The following BCCIP variants were observed in gnomAD, a reference collection of about 807,000 sequenced individuals.
BCCIP encodes BRCA2 and CDKN1A-interacting protein.
A neutral mutation model predicts 32.8 loss-of-function variants in BCCIP; 23 were observed. That is an observed-to-expected ratio of 0.70 (90% CI 0.51 to 0.99). BCCIP has a LOEUF of 0.99. Among genes scored for constraint, BCCIP ranks in the 50% least tolerant of loss-of-function variants. BCCIP has a pLI of 0.00. For missense variants in BCCIP, 378 were observed against 379.8 expected, an observed-to-expected ratio of 1.00 and a Z score of 0.04; for synonymous variants, 144 against 137.6, an observed-to-expected ratio of 1.05 and a Z score of -0.33.
At chr10:125,836,673 T>C (rs974635581), downstream of BCCIP, 57 of 1,612,506 alleles carry the variant, frequency 3.5e-5, no homozygotes, top group Middle Eastern at 8.3e-4. Flanking sequence ...CTGCACCTTG[T>C]GTTTGCTGGG....
Position 125,823,630 on chromosome 10 carries a change from G to A in BCCIP, c.73G>A (p.Asp25Asn), listed in dbSNP as rs758233007. Residue 25 changes from aspartate to asparagine, a missense_variant, in exon 1 of 7, where the codon GAC becomes AAC. Physicochemically the swap from Asp to Asn is conservative, Grantham distance 23. Transcript: ENST00000278100. ...GCCGCCGGATCCCCCAGTCCAGCGCGACGAGGAAGAGGAAAAAGAAGTCGA... is the reference window on the plus strand; with the variant it reads ...GCCGCCGGATCCCCCAGTCCAGCGCAACGAGGAAGAGGAAAAAGAAGTCGA... ...PQPPDPPVQR[D>N]EEEEKEVENE... is the part of the protein sequence containing the mutation. 1 of 1,614,142 alleles carries A rather than the reference G, an allele frequency of 6.2e-7. No individual in the cohort carries two copies.
chr10:125,833,268 A>G (rs1192700177), intron 5 of BCCIP, among the ~76,000 whole-genome samples: 1 of 152,194 alleles, frequency 6.6e-6, no homozygotes, highest in Non-Finnish European at 1.5e-5. Flanking sequence ...TTGCGATTCC[A>G]TTGCTAGAAT....
chr10:125,842,858 G>C, downstream of BCCIP: 1 of 822,408 alleles, frequency 1.2e-6, no homozygotes, highest in Non-Finnish European at 1.5e-6. Context: ...CGATAATGAT[G>C]TGGTATTATA....
intron 6 of BCCIP, among the ~76,000 whole-genome samples, chr10:125,835,535 C>T (rs769497212): frequency 7.0e-4 from 105 of 150,634 alleles, no homozygotes; most frequent in Admixed American, 2.9e-3. Context: ...GCCGAGATCA[C>T]GCCACTGCAC....
At chr10:125,827,026 ACAGGCTCTCCC>A (rs1854409849) in intron 2 of BCCIP, among the ~76,000 whole-genome samples, 1 of 149,718 alleles carries the variant, frequency 6.7e-6, no homozygotes. Flanking sequence ...GTCATTCAAT[ACAGGCTCTCCC>A]AAGTTCATCT....
downstream of BCCIP, among the ~76,000 whole-genome samples, chr10:125,840,036 T>G (rs894053406): frequency 2.0e-5 from 3 of 152,242 alleles, no homozygotes; most frequent in African/African-American, 7.2e-5. Context: ...TCTTTCAAAT[T>G]GCTGTCATAT....
At chr10:125,823,920 C>A (rs1292807021) in intron 1 of BCCIP, among the ~76,000 whole-genome samples, 198 bp downstream of exon 1, 1 of 152,116 alleles carries the variant, frequency 6.6e-6, no homozygotes, top group Non-Finnish European at 1.5e-5. Flanking sequence ...AGGTCTAGTC[C>A]GGTCCAGTTA....
intron 1 of BCCIP, 36 bp downstream of exon 1, chr10:125,823,758 T>C: frequency 6.2e-7 from 1 of 1,606,970 alleles, no homozygotes; most frequent in Non-Finnish European, 8.5e-7. Context: ...GGTTTATACC[T>C]GAGAAAAACT....
downstream of BCCIP, chr10:125,840,706 G>A (rs1854853077): frequency 4.7e-6 from 4 of 851,450 alleles, no homozygotes; most frequent in Non-Finnish European, 1.7e-6. Flanking sequence ...GCCTGTGGGT[G>A]CGTTTAGGGC....
At chr10:125,829,696 A>G (rs1438218841) in intron 3 of BCCIP, among the ~76,000 whole-genome samples, 4 of 152,248 alleles carry the variant, frequency 2.6e-5, no homozygotes, top group African/African-American at 7.2e-5. Flanking sequence ...TATTAGGGCA[A>G]TGGGAAAAAG....
chr10:125,849,774 G>T (rs1944067232), intron 7 of BCCIP, among the ~76,000 whole-genome samples: 1 of 152,192 alleles, frequency 6.6e-6, no homozygotes, highest in Non-Finnish European at 1.5e-5. Context: ...AACATTTAAA[G>T]ATCATTTTGT....
intron 4 of BCCIP, among the ~76,000 whole-genome samples, chr10:125,831,213 T>C (rs1409326347): frequency 6.6e-6 from 1 of 152,264 alleles, no homozygotes; most frequent in African/African-American, 2.4e-5. Context: ...TATGACTCTC[T>C]TACCACTCAT....
chr10:125,838,528 A>T, downstream of BCCIP: 1 of 821,392 alleles, frequency 1.2e-6, no homozygotes, highest in Non-Finnish European at 1.8e-6. Flanking sequence ...TCCTACTTTC[A>T]CATGTAGAAA....
chr10:125,851,743 AGAAATCTACATCTACAAAG>A (rs1462220101), intron 7 of BCCIP, among the ~76,000 whole-genome samples: 2 of 152,024 alleles, frequency 1.3e-5, no homozygotes, highest in African/African-American at 4.8e-5. Flanking sequence ...ACTTTGTAAA[AGAAATCTACATCTACAAAG>A]GAAATCTACA....
In BCCIP at chr10:125,834,018, G is replaced by C. The variant is rs368768924; in HGVS notation, c.774+72G>C. The C allele has an allele frequency of 2.7e-4, 417 of 1,522,144 alleles. 8 individuals are homozygous for C. The South Asian group carries it at 4.7e-3, about 17-fold the overall frequency. 94.3% of individuals were successfully genotyped at this position (1,522,144 alleles called of 1,614,324 possible). On this transcript the variant is annotated intron_variant, in intron 6 of 6. Transcript: ENST00000278100. Reference sequence around the variant, plus strand: ...TGAAAATGATTTATCAAGATTTATTGTTCTCCCACTTTAGGTCCAAGTCTT... The same window carrying C: ...TGAAAATGATTTATCAAGATTTATTCTTCTCCCACTTTAGGTCCAAGTCTT...
chr10:125,832,814 C>CTT (rs761671587), intron 5 of BCCIP, among the ~76,000 whole-genome samples: 2 of 116,822 alleles, frequency 1.7e-5, no homozygotes, highest in South Asian at 2.6e-4. Flanking sequence ...TTTTTTTTTT[C>CTT]TTTTTTTTTT....
chr10:125,834,292 G>T (rs1264076273), intron 6 of BCCIP, among the ~76,000 whole-genome samples: 3 of 152,224 alleles, frequency 2.0e-5, no homozygotes, highest in Non-Finnish European at 4.4e-5. Context: ...GGGGTTTACA[G>T]ATGTGGACTT....
At chr10:125,840,521 G>T (rs1179382181), downstream of BCCIP, among the ~76,000 whole-genome samples, 2 of 152,238 alleles carry the variant, frequency 1.3e-5, no homozygotes, top group Non-Finnish European at 2.9e-5. Context: ...GGCTGTTCTT[G>T]TCTTCCTCCA....
At chr10:125,852,438 G>A (rs1203726878) in intron 7 of BCCIP, 1 of 1,613,924 alleles carries the variant, frequency 6.2e-7, no homozygotes, top group East Asian at 2.2e-5. Flanking sequence ...CAGTGTACAG[G>A]CAGAAAAATT....
Sources: allele counts gnomAD v4.1 joint callset (sites outside exome capture counted in the v4.1 genomes callset), GRCh38; gene constraint gnomAD v4.1.1; transcripts MANE v1.5; gene names NCBI Gene and HGNC (gene_info 2026-07-23, HGNC 2026-07-21).